The following ZNF429 variants were observed in gnomAD, a reference collection of about 807,000 sequenced individuals.
ZNF429 encodes zinc finger protein 429.
ZNF429 carries 53 observed loss-of-function variants against 56.8 expected under a neutral mutation model. The ratio of observed to expected loss-of-function variants is 0.93; its 90% CI spans 0.75 to 1.17. The LOEUF (loss-of-function observed/expected upper bound fraction) is 1.17. Among genes scored for constraint, ZNF429 ranks in the 50% most tolerant of loss-of-function variants. ZNF429 has a pLI of 0.00. For synonymous variants in ZNF429, 278 were observed against 264.7 expected, an observed-to-expected ratio of 1.05 and a Z score of -0.49; for missense variants, 849 against 788.4, an observed-to-expected ratio of 1.08 and a Z score of -0.92.
At chr19:21,508,431 G>T (rs1599428588) in intron 1 of ZNF429, among the ~76,000 whole-genome samples, 1 of 152,284 alleles carries the variant, frequency 6.6e-6, no homozygotes, top group Non-Finnish European at 1.5e-5. Flanking sequence ...TCTCTCAAGT[G>T]ATTGAACTTG....
In ZNF429 at chr19:21,538,162, C is replaced by G. The variant is rs1298304192; in HGVS notation, c.*84C>G. The G allele has an allele frequency of 1.6e-6, 1 of 617,338 alleles. No individual in the cohort carries two copies. The highest frequency in any genetic ancestry group is 1.9e-5 in the African/African-American group (1 of 53,566). The allele number at this position is 617,338 out of a possible 1,614,324, so 38.2% of individuals were successfully genotyped here. ...GGCGTGGTGGTGGGCACTTGTAGTC[C>G]CACCTACTCGGGAGGCTGAGGCAGG... On this transcript the variant is annotated 3_prime_UTR_variant, in exon 4 of 4. Transcript: ENST00000358491.
rs188522475 is a variant in ZNF429 at position 21,512,624 on chromosome 19, A to G, written c.3+6850A>G. On this transcript the variant is annotated intron_variant, in intron 1 of 3. Transcript: ENST00000358491. ...GGTTACAGTGACCCGAGATCACGCC[A>G]CTGCATTCTGCCTGGGCGACAGAGC... Among the ~76,000 whole-genome samples, 315 of 132,918 alleles carry G rather than the reference A, an allele frequency of 2.4e-3. 2 individuals carry two copies. The highest frequency in any genetic ancestry group is 8.3e-3 in the African/African-American group (286 of 34,648). The allele number at this position is 132,918 out of a possible 152,430, so 87.2% of individuals were successfully genotyped here. A position where few individuals can be genotyped will look rare whatever the true frequency, so the allele number is the denominator to read the frequency against.
At chr19:21,535,409 TTCTTTTCTTTCTTTCTTTCTTTC>T in intron 3 of ZNF429, among the ~76,000 whole-genome samples, 1 of 101,748 alleles carries the variant, frequency 9.8e-6, no homozygotes, top group Non-Finnish European at 1.8e-5. Flanking sequence ...TTCTTTCTTT[TTCTTTTCTTTCTTTCTTTCTTTC>T]TTTCTTTCTT....
intron 3 of ZNF429, among the ~76,000 whole-genome samples, chr19:21,533,178 T>C: frequency 1.5e-4 from 23 of 152,166 alleles, no homozygotes; most frequent in Admixed American, 4.6e-4. Flanking sequence ...TGGTTTTCAT[T>C]GTTATTTTCA....
intron 1 of ZNF429, chr19:21,518,627 A>G (rs2032869816): frequency 6.8e-6 from 1 of 146,298 alleles, no homozygotes; most frequent in Admixed American, 6.9e-5. Context: ...ATCTCGGCTC[A>G]CAGCAACTTC....
intron 1 of ZNF429, among the ~76,000 whole-genome samples, chr19:21,527,147 A>G (rs1316178763): frequency 6.6e-6 from 1 of 152,150 alleles, no homozygotes; most frequent in African/African-American, 2.4e-5. Context: ...TCTAACTAAT[A>G]CTAATGGTGA....
intron 1 of ZNF429, among the ~76,000 whole-genome samples, chr19:21,509,547 G>T (rs935359804): frequency 1.3e-5 from 2 of 152,310 alleles, no homozygotes. Context: ...GCAAAAGAAG[G>T]TTATTTAAGA....
intron 3 of ZNF429, among the ~76,000 whole-genome samples, chr19:21,534,621 T>G: frequency 6.6e-6 from 1 of 152,156 alleles, no homozygotes; most frequent in East Asian, 1.9e-4. Flanking sequence ...TCCTTCCACC[T>G]TGGTGTCTAA....
chr19:21,520,139 A>G (rs2095447152), intron 1 of ZNF429, among the ~76,000 whole-genome samples: 1 of 152,190 alleles, frequency 6.6e-6, no homozygotes, highest in African/African-American at 2.4e-5. Flanking sequence ...GATTACAGGC[A>G]TGAGCCACTG....
chr19:21,536,654 T>G lies in ZNF429; in HGVS notation c.601T>G (p.Tyr201Asp). 1 of 1,613,896 alleles carries G rather than the reference T, an allele frequency of 6.2e-7. No individual in the cohort carries two copies. Among genetic ancestry groups the G allele is most frequent in the Non-Finnish European group, 8.5e-7 (1 of 1,179,914 alleles). ...GAAAATTCATATTAGAGAGAATACC[T>G]ACAGATGTAAAGAATTTGGCAATGC... ...HKKIHIRENT[Y>D]RCKEFGNAFN... The change falls in exon 4 of 4, where the codon TAC becomes GAC. Residue 201 changes from tyrosine to aspartate, a missense_variant. Transcript: ENST00000358491.
intron 1 of ZNF429, among the ~76,000 whole-genome samples, chr19:21,527,666 TC>T (rs1366416523): frequency 1.3e-5 from 2 of 152,168 alleles, no homozygotes; most frequent in African/African-American, 2.4e-5. Context: ...AGTGCATTGT[TC>T]CTAAATGTCT....
Position 21,529,703 on chromosome 19 carries a change from GAGTGGCAGTGCCTGGACAC to G in ZNF429, c.52_70del (p.Trp18HisfsTer9), listed in dbSNP as rs772631817. 1.9e-5 allele frequency: 31 copies of G among 1,601,260 alleles called. No individual in the cohort carries two copies. The highest frequency in any genetic ancestry group is 5.1e-6 in the Non-Finnish European group (6 of 1,173,116). ...TGTGGCCATAGAATTCTCTCTGGAGGAGTGGCAGTGCCTGGACACAGCACAACAGAACTTATATAGAAAT... is the reference window on the plus strand; with the variant it reads ...TGTGGCCATAGAATTCTCTCTGGAGGAGCACAACAGAACTTATATAGAAAT... On this transcript the variant is annotated frameshift_variant, in exon 2 of 4. Transcript: ENST00000358491. LOFTEE classifies it high-confidence loss of function.
At chr19:21,512,087 G>A (rs990950501) in intron 1 of ZNF429, among the ~76,000 whole-genome samples, 4 of 151,420 alleles carry the variant, frequency 2.6e-5, no homozygotes, top group Admixed American at 6.6e-5. Flanking sequence ...GAGGGAGACC[G>A]TGGGGAGAGG....
intron 3 of ZNF429, among the ~76,000 whole-genome samples, chr19:21,535,803 G>A: frequency 1.8e-4 from 27 of 152,082 alleles, no homozygotes; most frequent in Middle Eastern, 3.4e-3. Flanking sequence ...ATGAGCCACC[G>A]CGCCTGACCA....
At chr19:21,512,679 A>AAG (rs1431625105) in intron 1 of ZNF429, among the ~76,000 whole-genome samples, 3 of 151,630 alleles carry the variant, frequency 2.0e-5, no homozygotes, top group Non-Finnish European at 2.9e-5. Context: ...AAAAAAAAAA[A>AAG]AAAAAGGAGG....
chr19:21,518,179 CT>C (rs1293611189), intron 1 of ZNF429, among the ~76,000 whole-genome samples: 2 of 152,214 alleles, frequency 1.3e-5, no homozygotes, highest in Non-Finnish European at 2.9e-5. Context: ...ATTTCTTGAT[CT>C]TTTGTATGAC....
chr19:21,506,443 CAA>C (rs1229591215), intron 1 of ZNF429, among the ~76,000 whole-genome samples: 21,591 of 99,038 alleles, frequency 0.22, 1,611 homozygotes, highest in Middle Eastern at 0.26. Flanking sequence ...CTATCTCAAA[CAA>C]AAAAAAAAAA....
chr19:21,535,445 TTTC>T lies in ZNF429; in HGVS notation c.227-832_227-830del. On this transcript the variant is annotated intron_variant, in intron 3 of 3. Coordinates refer to ENST00000358491, the MANE Select transcript of ZNF429 (RefSeq NM_001001415.4). The stretch of plus-strand genomic sequence containing the variant: ...CTTTCTTTCTTTCTTTCTTTCTTTC[TTTC>T]TTTCTTTCTTTCTTTCTTTCTTTCT... 3.4e-4 allele frequency among the ~76,000 whole-genome samples: 30 copies of T among 87,922 alleles called. 3 individuals carry two copies. The highest frequency in any genetic ancestry group is 2.3e-3 in the East Asian group (9 of 3,946). 57.7% of individuals were successfully genotyped at this position (87,922 alleles called of 152,430 possible). A position where few individuals can be genotyped will look rare whatever the true frequency, so the allele number is the denominator to read the frequency against.
rs552572579 is a variant in ZNF429 at position 21,537,417 on chromosome 19, G to C, written c.1364G>C (p.Cys455Ser). 61 of 1,613,240 alleles carry C rather than the reference G, an allele frequency of 3.8e-5. No homozygotes were observed. The South Asian group carries it at 6.6e-4, about 17-fold the overall frequency. Residue 455 changes from cysteine (C) to serine (S), a missense_variant, in exon 4 of 4, where the codon TGT (cysteine) becomes TCT (serine). Physicochemically the swap from Cys to Ser is moderately radical, Grantham distance 112. Transcript: ENST00000358491. ...RIHTEEKPYKCNECGKAFNRS... is the reference protein window; with the variant it reads ...RIHTEEKPYKSNECGKAFNRS... ...CATACTGAAGAGAAACCCTATAAATGTAACGAATGTGGCAAAGCTTTTAAC... is the reference window on the plus strand; with the variant it reads ...CATACTGAAGAGAAACCCTATAAATCTAACGAATGTGGCAAAGCTTTTAAC...
Sources: allele counts gnomAD v4.1 joint callset (sites outside exome capture counted in the v4.1 genomes callset), GRCh38; gene constraint gnomAD v4.1.1; transcripts MANE v1.5; gene names NCBI Gene and HGNC (gene_info 2026-07-23, HGNC 2026-07-21).